ANKRD36C: variants seen among roughly 807,000 people sequenced by gnomAD.
ANKRD36C encodes the protein ankyrin repeat domain 36C.
In ANKRD36C, 61 loss-of-function variants were observed where a neutral mutation model predicts 276.4. The ratio of observed to expected loss-of-function variants is 0.22; its 90% confidence interval spans 0.18 to 0.27. ANKRD36C has a LOEUF of 0.27. Among genes scored for constraint, ANKRD36C ranks in the 10% least tolerant of loss-of-function variants. ANKRD36C has a pLI of 1.00. For missense variants in ANKRD36C, 1,447 were observed against 2,032.3 expected (o/e 0.71, Z 5.54); for synonymous variants, 483 against 680.1 (o/e 0.71, Z 4.51).
intron 24 of ANKRD36C, among the ~76,000 whole-genome samples, chr2:95,931,080 G>A (rs570331685): frequency 6.6e-6 from 1 of 151,748 alleles, no homozygotes; most frequent in African/African-American, 2.4e-5. Flanking sequence ...CATATTGGTG[G>A]ACTTGATTCT....
At chr2:95,894,308 A>T (rs962590627) in intron 44 of ANKRD36C, 1 of 154,062 alleles carries the variant, frequency 6.5e-6, no homozygotes, top group Non-Finnish European at 1.4e-5. Flanking sequence ...TCTCACACCC[A>T]TGTGGTATAA....
At chr2:95,859,231 A>G (rs1675502982) in intron 61 of ANKRD36C, among the ~76,000 whole-genome samples, 1 of 151,964 alleles carries the variant, frequency 6.6e-6, no homozygotes, top group African/African-American at 2.4e-5. Context: ...ATAGCATTTC[A>G]CTATGTTGGG....
intron 34 of ANKRD36C, among the ~76,000 whole-genome samples, chr2:95,918,592 A>G (rs1677179849): frequency 6.6e-6 from 1 of 151,674 alleles, no homozygotes; most frequent in Non-Finnish European, 1.5e-5. Flanking sequence ...GTTTGCTGAT[A>G]CCTAGTAGAT....
chr2:95,853,909 T>C, intron 63 of ANKRD36C, 48 bp from the exon 84 acceptor site: 1 of 1,561,074 alleles, frequency 6.4e-7, no homozygotes, highest in Non-Finnish European at 8.7e-7. Flanking sequence ...CACCTTATTA[T>C]TAAACCATTA....
intron 8 of ANKRD36C, 46 bp downstream of exon 8, chr2:95,962,306 C>T (rs1260386985): frequency 1.5e-5 from 23 of 1,537,604 alleles, no homozygotes; most frequent in Middle Eastern, 1.7e-4. Context: ...CAGCAGTTCC[C>T]TTCTATCCTG....
At chr2:95,892,022 G>T (rs1368224768) in intron 44 of ANKRD36C, among the ~76,000 whole-genome samples, 162 bp from the exon 65 acceptor site, 2 of 151,478 alleles carry the variant, frequency 1.3e-5, no homozygotes, top group East Asian at 3.9e-4. Flanking sequence ...ACAGAAATAC[G>T]CTGAGAAAAG....
At chr2:95,894,584 G>A (rs1343224843) in intron 44 of ANKRD36C, among the ~76,000 whole-genome samples, 7 of 151,210 alleles carry the variant, frequency 4.6e-5, no homozygotes, top group Non-Finnish European at 8.9e-5. Flanking sequence ...AGCCTTGTTG[G>A]GAGTATCATG....
chr2:95,968,358 T>C (rs1678634192), intron 6 of ANKRD36C, among the ~76,000 whole-genome samples: 1 of 152,174 alleles, frequency 6.6e-6, no homozygotes, highest in Non-Finnish European at 1.5e-5. Flanking sequence ...TTACCTTATA[T>C]GTGAATTGCA....
At chr2:95,865,699 A>T (rs1675670346) in intron 60 of ANKRD36C, among the ~76,000 whole-genome samples, 1 of 152,150 alleles carries the variant, frequency 6.6e-6, no homozygotes, top group African/African-American at 2.4e-5. Flanking sequence ...GTTTGTATAC[A>T]TGAGGTCGGA....
intron 58 of ANKRD36C, among the ~76,000 whole-genome samples, chr2:95,877,491 G>GA (rs1174187848): frequency 1.1e-5 from 1 of 87,142 alleles, no homozygotes; most frequent in Non-Finnish European, 2.4e-5. Flanking sequence ...CTGATAATGA[G>GA]AAAAATGATC....
intron 13 of ANKRD36C, among the ~76,000 whole-genome samples, chr2:95,955,361 A>C (rs184074666): frequency 6.6e-6 from 1 of 150,722 alleles, no homozygotes; most frequent in South Asian, 2.1e-4. Context: ...ACAAACAAAA[A>C]GGCAGCAAAC....
At chr2:95,867,787 T>G (rs1429370966) in intron 59 of ANKRD36C, among the ~76,000 whole-genome samples, 1 of 149,914 alleles carries the variant, frequency 6.7e-6, no homozygotes, top group East Asian at 2.0e-4. Flanking sequence ...CCAGTTCCTA[T>G]GCTATTTAGA....
chr2:95,926,412 A>T (rs1677404339), intron 28 of ANKRD36C, among the ~76,000 whole-genome samples: 1 of 151,620 alleles, frequency 6.6e-6, no homozygotes, highest in Non-Finnish European at 1.5e-5. Context: ...GTCTGGCATA[A>T]AATATCATGT....
chr2:95,894,111 C>G (rs991453955), intron 44 of ANKRD36C: 3 of 291,720 alleles, frequency 1.0e-5, no homozygotes, highest in Admixed American at 9.7e-5. Flanking sequence ...TGCAACAAAT[C>G]AAAAGGATTT....
At chr2:95,980,251 G>A (rs756399808) in intron 5 of ANKRD36C, among the ~76,000 whole-genome samples, 12 of 152,066 alleles carry the variant, frequency 7.9e-5, no homozygotes, top group Non-Finnish European at 1.5e-4. Context: ...TCAGGCTATA[G>A]TAGATGGTCC....
chr2:95,891,437 T>C (rs1223596576), intron 46 of ANKRD36C, among the ~76,000 whole-genome samples: 1 of 151,458 alleles, frequency 6.6e-6, no homozygotes, highest in South Asian at 2.1e-4. Flanking sequence ...CTGCTCTCCA[T>C]ATTTCTTCTT....
intron 44 of ANKRD36C, 112 bp from the exon 61 acceptor site, chr2:95,895,702 C>G (rs1488565083): frequency 6.6e-7 from 1 of 1,516,994 alleles, no homozygotes; most frequent in Middle Eastern, 2.4e-4. Context: ...TTAGTGGAGG[C>G]TTTCATGGCT....
At chr2:95,894,638 A>T (rs1167291979) in intron 44 of ANKRD36C, among the ~76,000 whole-genome samples, 1 of 151,434 alleles carries the variant, frequency 6.6e-6, no homozygotes, top group African/African-American at 2.4e-5. Flanking sequence ...TTTATACAAG[A>T]GGTAGCTCTT....
At chr2:95,853,503 GA>G (rs1675337954) in intron 64 of ANKRD36C, 1 of 396,980 alleles carries the variant, frequency 2.5e-6, no homozygotes, top group African/African-American at 2.1e-5. Flanking sequence ...CAGAGATTAA[GA>G]TATAGGTGCA....
Sources: allele counts gnomAD v4.1 joint callset (sites outside exome capture counted in the v4.1 genomes callset), GRCh38; gene constraint gnomAD v4.1.1; transcripts MANE v1.5; gene names NCBI Gene and HGNC (gene_info 2026-07-23, HGNC 2026-07-21).